The following PHAF1 variants were observed in gnomAD, a reference collection of about 807,000 sequenced individuals.
PHAF1 encodes phagophore assembly factor 1.
Under a neutral mutation model 63.1 loss-of-function variants are expected in PHAF1, and 23 were observed. That is an observed-to-expected ratio of 0.36 (90% CI 0.26 to 0.52). The LOEUF is 0.52. PHAF1 is among the 20% of genes least tolerant of loss of function. The pLI is 0.93. For missense variants in PHAF1, 427 were observed against 517.2 expected, an observed-to-expected ratio of 0.83 and a Z score of 1.69; for synonymous variants, 167 against 185.0, an observed-to-expected ratio of 0.90 and a Z score of 0.79.
intron 1 of PHAF1, among the ~76,000 whole-genome samples, chr16:67,117,594 G>A (rs1962790201): frequency 1.3e-5 from 2 of 151,190 alleles, no homozygotes; most frequent in South Asian, 4.2e-4. Flanking sequence ...GGCTTACATG[G>A]TGAAACCCTG....
rs771062883 is a variant in PHAF1 at position 67,147,536 on chromosome 16, C to T, written c.*405C>T. 2.6e-5 allele frequency: 5 copies of T among 189,066 alleles called. No homozygotes were observed. The highest frequency in any genetic ancestry group is 6.1e-5 in the Admixed American group (1 of 16,428). The allele number at this position is 189,066 out of a possible 1,614,324, so 11.7% of individuals were successfully genotyped here. On this transcript the variant is annotated 3_prime_UTR_variant, in exon 16 of 16. Coordinates refer to ENST00000219139, the MANE Select transcript of PHAF1 (RefSeq NM_025187.5). ...GGTCCTGCCTTTGGCTCCACATTGC[C>T]ACATGACCCTTAAGGCAAGCAGGTA...
chr16:67,144,679 A>G (rs761950044), intron 11 of PHAF1, among the ~76,000 whole-genome samples, 155 bp from the exon 12 acceptor site: 20 of 152,166 alleles, frequency 1.3e-4, no homozygotes, highest in Non-Finnish European at 2.2e-4. Context: ...TCCGTGCCTA[A>G]ATCTGGCCTC....
At chr16:67,117,518 C>A (rs1962786430) in intron 1 of PHAF1, among the ~76,000 whole-genome samples, 1 of 151,372 alleles carries the variant, frequency 6.6e-6, no homozygotes, top group African/African-American at 2.4e-5. Flanking sequence ...TGGCTCATGC[C>A]TGTAATCCCA....
At position 67,134,169 on chromosome 16, in the gene PHAF1, C is replaced by T. The variant is rs752350817; in HGVS notation, c.452C>T (p.Pro151Leu). The change falls in exon 7 of 16, where the codon CCC becomes CTC. Residue 151 changes from proline to leucine, a missense_variant and splice_region_variant. Physicochemically the swap from Pro to Leu is moderately conservative, Grantham distance 98 (BLOSUM62 -3). Coordinates refer to ENST00000219139, the MANE Select transcript of PHAF1 (RefSeq NM_025187.5). ...AAAACTCTTGACCTTTGTTTGCAGC[C>T]CAATTTTGCCCATGGCCTGGCTTCT... ...DSWTEAPKYEPNFAHGLASLQ... is the reference protein window; with the variant it reads ...DSWTEAPKYELNFAHGLASLQ... 1.9e-6 allele frequency: 3 copies of T among 1,613,350 alleles called. No individual in the cohort carries two copies. Among genetic ancestry groups the T allele is most frequent in the Non-Finnish European group, 2.5e-6 (3 of 1,179,464 alleles).
At position 67,146,355 on chromosome 16, in the gene PHAF1, G is replaced by A; in HGVS notation, c.1182+5G>A. 9 of 1,613,260 alleles carry A rather than the reference G, an allele frequency of 5.6e-6. No homozygotes were observed. Among genetic ancestry groups the A allele is most frequent in the Non-Finnish European group, 7.6e-6 (9 of 1,179,204 alleles). On this transcript the variant is annotated splice_donor_5th_base_variant and intron_variant, in intron 15 of 15. Transcript: ENST00000219139. ...CTTCAGCGAATGATCTTTGAGGTAA[G>A]CTGTGGAAGCCCTAGAAATAAACTG...
Position 67,132,805 on chromosome 16 carries a change from C to A in PHAF1, c.356-12C>A, listed in dbSNP as rs374172550. ...TCAACCATGTTATTTTCTTCTCCCC[C>A]ACCCCCAACAGTGTACAACTCCGCT... On this transcript the variant is annotated splice_polypyrimidine_tract_variant and intron_variant, in intron 5 of 15. Transcript: ENST00000219139. 2.5e-6 allele frequency: 4 copies of A among 1,597,308 alleles called. No individual in the cohort carries two copies. Among genetic ancestry groups the A allele is most frequent in the Admixed American group, 1.7e-5 (1 of 59,984 alleles).
chr16:67,132,951 T>C (rs1199860259), intron 6 of PHAF1, 40 bp downstream of exon 6: 1 of 1,487,272 alleles, frequency 6.7e-7, no homozygotes, highest in Non-Finnish European at 9.3e-7. Flanking sequence ...TGTATGTGTC[T>C]GTGGTATGGC....
intron 1 of PHAF1, 57 bp downstream of exon 1, chr16:67,110,296 CTCTT>C: frequency 6.6e-7 from 1 of 1,526,706 alleles, no homozygotes; most frequent in Non-Finnish European, 8.9e-7. Flanking sequence ...TTCTCCTGGG[CTCTT>C]CCCACCTGTT....
intron 10 of PHAF1, among the ~76,000 whole-genome samples, chr16:67,142,679 C>T (rs1222654903): frequency 6.6e-6 from 1 of 152,226 alleles, no homozygotes; most frequent in African/African-American, 2.4e-5. Flanking sequence ...CCTGCCGGGG[C>T]AAGGGGCCTT....
In PHAF1 at chr16:67,148,224, A is replaced by G. The variant is rs1490417390; in HGVS notation, c.*1093A>G. The G allele has an allele frequency of 6.5e-6, 1 of 152,690 alleles. No homozygotes were observed. Among genetic ancestry groups the G allele is most frequent in the African/African-American group, 2.4e-5 (1 of 41,470 alleles). The allele number at this position is 152,690 out of a possible 1,614,324, so 9.5% of individuals were successfully genotyped here. A position where few individuals can be genotyped will look rare whatever the true frequency, so the allele number is the denominator to read the frequency against. ...AATATGACTCTTTTGTAATTAACTC[A>G]TGTACAGCCTCATCCTGTATAGTTT... On this transcript the variant is annotated 3_prime_UTR_variant, in exon 16 of 16. Transcript: ENST00000219139.
chr16:67,127,771 G>A (rs1963247067), intron 3 of PHAF1, among the ~76,000 whole-genome samples: 1 of 152,028 alleles, frequency 6.6e-6, no homozygotes, highest in Non-Finnish European at 1.5e-5. Context: ...ACTCCAGCCT[G>A]GGCAACAGAG....
At chr16:67,118,429 T>C (rs1962841002) in intron 1 of PHAF1, among the ~76,000 whole-genome samples, 1 of 143,832 alleles carries the variant, frequency 7.0e-6, no homozygotes, top group Admixed American at 7.3e-5. Flanking sequence ...CTCTGCCTCC[T>C]GAGTTCAAGC....
At chr16:67,146,953 G>A (rs2030145745) in intron 15 of PHAF1, 92 bp from the exon 16 acceptor site, 8 of 1,186,410 alleles carry the variant, frequency 6.7e-6, no homozygotes, top group Non-Finnish European at 1.0e-5. Context: ...ATTAGGTGCA[G>A]GTATGTCACA....
In PHAF1 at chr16:67,109,994, G is replaced by A. The variant is rs577978200; in HGVS notation, c.-182G>A. ...CCGCTGCCGCGGCTGCTGCAGGTGA[G>A]GTGAAGTGAGGTGAGGTGTGGTGTT... On this transcript the variant is annotated 5_prime_UTR_variant, in exon 1 of 16. Transcript: ENST00000219139. The A allele has an allele frequency of 3.4e-6, 2 of 591,660 alleles. No individual in the cohort carries two copies. The highest frequency in any genetic ancestry group is 3.2e-5 in the Admixed American group (1 of 30,816). 36.7% of individuals were successfully genotyped at this position (591,660 alleles called of 1,614,324 possible). A position where few individuals can be genotyped will look rare whatever the true frequency, so the allele number is the denominator to read the frequency against.
At chr16:67,124,995 C>G (rs1963130748) in intron 2 of PHAF1, among the ~76,000 whole-genome samples, 1 of 151,824 alleles carries the variant, frequency 6.6e-6, no homozygotes, top group South Asian at 2.1e-4. Context: ...TACTATTGGG[C>G]AGCCTCAATC....
intron 1 of PHAF1, among the ~76,000 whole-genome samples, chr16:67,118,583 T>A (rs1395446823): frequency 1.4e-5 from 2 of 147,472 alleles, no homozygotes; most frequent in Non-Finnish European, 3.0e-5. Context: ...GATCTGCCCA[T>A]CTCGGCCTCC....
At chr16:67,120,481 C>T (rs1481021779) in intron 2 of PHAF1, among the ~76,000 whole-genome samples, 1 of 151,872 alleles carries the variant, frequency 6.6e-6, no homozygotes, top group Non-Finnish European at 1.5e-5. Context: ...TAGGTCGCTT[C>T]AGAGGCTGTC....
Position 67,146,290 on chromosome 16 carries a change from AAAC to A in PHAF1, c.1127_1129del (p.Asn376del). The A allele has an allele frequency of 1.9e-6, 3 of 1,614,088 alleles. No homozygotes were observed. Among genetic ancestry groups the A allele is most frequent in the Non-Finnish European group, 2.5e-6 (3 of 1,179,956 alleles). On this transcript the variant is annotated inframe_deletion, in exon 15 of 16. Transcript: ENST00000219139. Reference sequence around the variant, plus strand: ...TCTTTGGCCTCAGGTCTTCCTCCCCAAACAACACCAACCCATTTGGTTCCACAT... The same window carrying A: ...TCTTTGGCCTCAGGTCTTCCTCCCCAAACACCAACCCATTTGGTTCCACAT...
Position 67,110,232 on chromosome 16 carries a change from C to T in PHAF1, c.57C>T (p.Phe19=). 5.8e-6 allele frequency: 9 copies of T among 1,552,276 alleles called. No individual in the cohort carries two copies. Among genetic ancestry groups the T allele is most frequent in the Non-Finnish European group, 4.4e-6 (5 of 1,147,354 alleles). The part of the protein sequence containing the change: ...ERSLGNEQWE[F]TLGMPLAQAV... ...CTCTGGGGAACGAGCAATGGGAATT[C>T]ACGCTGGGTGAGTTTGGGGTCCTCT... The change falls in exon 1 of 16, where the codon TTC becomes TTT. Residue 19 remains phenylalanine (F), a synonymous_variant. Transcript: ENST00000219139.
Sources: gnomAD v4.1 joint callset for allele counts (sites outside exome capture counted in the v4.1 genomes callset) on GRCh38, gnomAD v4.1.1 for gene constraint, MANE v1.5 for transcripts, NCBI Gene and HGNC (gene_info 2026-07-23, HGNC 2026-07-21) for gene names.